Variants in CWC27 observed in about 807,000 individuals in gnomAD.
The protein encoded by CWC27 is CWC27 spliceosome associated cyclophilin.
In CWC27, 47 loss-of-function variants were observed where a neutral mutation model predicts 63.6. The observed-to-expected ratio is 0.74, with a 90% confidence interval of 0.58 to 0.94. CWC27 has a LOEUF of 0.94. Ranked by LOEUF, CWC27 falls within the 40% of genes least tolerant of loss-of-function variation. The pLI is 0.00. For synonymous variants in CWC27, 175 were observed against 179.8 expected, an observed-to-expected ratio of 0.97 and a Z score of 0.22; for missense variants, 495 against 554.3, an observed-to-expected ratio of 0.89 and a Z score of 1.07.
In CWC27 at chr5:64,875,363, G is replaced by A. The variant is rs115420269; in HGVS notation, c.939-10080G>A. On this transcript the variant is annotated intron_variant, in intron 10 of 13. Coordinates refer to ENST00000381070, the MANE Select transcript of CWC27 (RefSeq NM_005869.4). ...AGATATGGATATAGTCTTTTTATTCGTAAGTAATGGTGTAGCAGATTATAA... is the reference window on the plus strand; with the variant it reads ...AGATATGGATATAGTCTTTTTATTCATAAGTAATGGTGTAGCAGATTATAA... Among the ~76,000 whole-genome samples, 118 of 151,990 alleles carry A rather than the reference G, an allele frequency of 7.8e-4. 1 individual carries two copies. The highest frequency in any genetic ancestry group is 2.6e-3 in the African/African-American group (106 of 41,448).
Position 64,789,086 on chromosome 5 carries a change from T to C in CWC27, c.669+66T>C, listed in dbSNP as rs113901648. 3.1e-4 allele frequency: 326 copies of C among 1,047,480 alleles called. 1 individual carries two copies. In the African/African-American group the frequency reaches 4.8e-3, roughly 16 times the overall value. 64.9% of individuals were successfully genotyped at this position (1,047,480 alleles called of 1,614,324 possible). ...ATTGGGGTCTATATCTTACTCACTA[T>C]TGTATCTCCTGCTATATCTGGCACA... On this transcript the variant is annotated intron_variant, in intron 7 of 13. Transcript: ENST00000381070.
chr5:64,852,096 ATCT>A (rs1387770622), intron 10 of CWC27, among the ~76,000 whole-genome samples: 1 of 152,186 alleles, frequency 6.6e-6, no homozygotes, highest in Non-Finnish European at 1.5e-5. Flanking sequence ...GTAGATAATA[ATCT>A]TCTACTAGTA....
intron 10 of CWC27, among the ~76,000 whole-genome samples, chr5:64,876,303 A>G (rs1363023888): frequency 6.6e-6 from 1 of 152,128 alleles, no homozygotes; most frequent in Admixed American, 6.6e-5. Flanking sequence ...TTTTATCAAC[A>G]GCCAAGCTGC....
chr5:64,924,097 T>C (rs1238970393), intron 11 of CWC27, among the ~76,000 whole-genome samples: 1 of 152,212 alleles, frequency 6.6e-6, no homozygotes, highest in African/African-American at 2.4e-5. Flanking sequence ...CCTAATTGGT[T>C]TCCTTGTCTC....
intron 13 of CWC27, among the ~76,000 whole-genome samples, chr5:64,992,495 A>G (rs1266367031): frequency 6.6e-6 from 1 of 151,936 alleles, no homozygotes; most frequent in Non-Finnish European, 1.5e-5. Flanking sequence ...TAGTTACAGC[A>G]TATATCACCC....
chr5:64,808,092 T>G, intron 10 of CWC27: 2 of 1,176,756 alleles, frequency 1.7e-6, no homozygotes, highest in Non-Finnish European at 2.1e-6. Flanking sequence ...CTATTTAAAG[T>G]GTGATCTGTG....
intron 10 of CWC27, 164 bp downstream of exon 10, chr5:64,804,550 T>C (rs936526728): frequency 1.7e-6 from 1 of 583,274 alleles, no homozygotes; most frequent in African/African-American, 1.9e-5. Context: ...TAAAATAAAA[T>C]ACACCAAGCT....
At chr5:64,858,752 G>A (rs1178672503) in intron 10 of CWC27, among the ~76,000 whole-genome samples, 1 of 152,002 alleles carries the variant, frequency 6.6e-6, no homozygotes, top group African/African-American at 2.4e-5. Flanking sequence ...AAAACCAGAT[G>A]TTAGCAAGGA....
At chr5:64,936,428 C>G (rs1441014854) in intron 11 of CWC27, among the ~76,000 whole-genome samples, 1 of 152,194 alleles carries the variant, frequency 6.6e-6, no homozygotes, top group Non-Finnish European at 1.5e-5. Flanking sequence ...GTTGAACCAG[C>G]CATGCATCCC....
intron 10 of CWC27, among the ~76,000 whole-genome samples, chr5:64,827,552 A>T (rs1745396497): frequency 6.6e-6 from 1 of 152,198 alleles, no homozygotes; most frequent in Admixed American, 6.5e-5. Context: ...TTAACTTAGT[A>T]TCTTTGCCTG....
intron 12 of CWC27, chr5:64,972,540 T>TTATA (rs34895173): frequency 6.9e-6 from 2 of 289,120 alleles, no homozygotes; most frequent in African/African-American, 2.2e-5. Flanking sequence ...ACAAACTGCC[T>TTATA]TATATATATA....
intron 11 of CWC27, among the ~76,000 whole-genome samples, chr5:64,948,033 A>T (rs1007975502): frequency 2.6e-5 from 4 of 152,058 alleles, no homozygotes; most frequent in Non-Finnish European, 5.9e-5. Context: ...CCAGACACTT[A>T]TATCATCTTG....
chr5:64,882,736 G>A (rs1297460786), intron 10 of CWC27, among the ~76,000 whole-genome samples: 1 of 152,106 alleles, frequency 6.6e-6, no homozygotes, highest in African/African-American at 2.4e-5. Flanking sequence ...TGGGAGTACA[G>A]GTGCCCGCCA....
chr5:64,781,555 G>A (rs763490786), intron 2 of CWC27, among the ~76,000 whole-genome samples: 3 of 152,080 alleles, frequency 2.0e-5, no homozygotes, highest in Non-Finnish European at 2.9e-5. Flanking sequence ...CCTACTCACT[G>A]GATGCCAGTA....
At chr5:64,778,415 A>C (rs937353009) in intron 2 of CWC27, among the ~76,000 whole-genome samples, 1 of 152,150 alleles carries the variant, frequency 6.6e-6, no homozygotes, top group African/African-American at 2.4e-5. Flanking sequence ...GATCATGTGC[A>C]CAGTGCTCAA....
At chr5:64,850,749 A>G (rs1746113408) in intron 10 of CWC27, among the ~76,000 whole-genome samples, 1 of 152,138 alleles carries the variant, frequency 6.6e-6, no homozygotes, top group South Asian at 2.1e-4. Flanking sequence ...AAACCTGGGG[A>G]CGGGACCTGA....
chr5:64,835,134 C>G (rs1745626274), intron 10 of CWC27, among the ~76,000 whole-genome samples: 2 of 151,670 alleles, frequency 1.3e-5, no homozygotes, highest in Non-Finnish European at 3.0e-5. Context: ...GAATAAAAAG[C>G]TATCATTTCA....
chr5:64,835,159 T>G (rs1745628877), intron 10 of CWC27, among the ~76,000 whole-genome samples: 1 of 151,854 alleles, frequency 6.6e-6, no homozygotes, highest in Admixed American at 6.6e-5. Flanking sequence ...CATAATAGAC[T>G]GAAGAAAGTT....
At chr5:64,882,831 C>T (rs1350364808) in intron 10 of CWC27, among the ~76,000 whole-genome samples, 5 of 152,176 alleles carry the variant, frequency 3.3e-5, no homozygotes, top group African/African-American at 4.8e-5. Context: ...CTCCTGACCT[C>T]GTGATCCACC....
Sources: allele counts gnomAD v4.1 joint callset (sites outside exome capture counted in the v4.1 genomes callset), GRCh38; gene constraint gnomAD v4.1.1; transcripts MANE v1.5; gene names NCBI Gene and HGNC (gene_info 2026-07-23, HGNC 2026-07-21).